Variants in RASEF observed in about 807,000 individuals in gnomAD.
RASEF encodes the protein RAS and EF-hand domain containing, also known as ras and EF-hand domain-containing protein.
In RASEF, 68 loss-of-function variants were observed where a neutral mutation model predicts 90.1. The ratio of observed to expected loss-of-function variants is 0.75; its 90% CI spans 0.62 to 0.92. The LOEUF (loss-of-function observed/expected upper bound fraction) is 0.92. Among genes scored for constraint, RASEF ranks in the 40% least tolerant of loss-of-function variants. The pLI, the probability that RASEF is intolerant of heterozygous loss-of-function variation, is 0.00. For synonymous variants in RASEF, 331 were observed against 345.2 expected, an observed-to-expected ratio of 0.96 and a Z score of 0.46; for missense variants, 949 against 937.2, an observed-to-expected ratio of 1.01 and a Z score of -0.16.
At chr9:83,113,105 G>A in the RASEF span, among the ~76,000 whole-genome samples, 2 of 152,184 alleles carry the variant, frequency 1.3e-5, no homozygotes, top group African/African-American at 2.4e-5. Context: ...CAGGGACCCT[G>A]AACGGAGGGA....
the RASEF span, among the ~76,000 whole-genome samples, chr9:83,142,405 C>T: frequency 1.9e-3 from 292 of 152,290 alleles, 3 homozygotes; most frequent in African/African-American, 5.9e-3. Flanking sequence ...CAGTTGATTC[C>T]TCTGAATAAC....
chr9:83,194,513 C>G, the RASEF span, among the ~76,000 whole-genome samples: 3 of 152,290 alleles, frequency 2.0e-5, no homozygotes, highest in African/African-American at 7.2e-5. Context: ...ATAGTGTTTG[C>G]TAGGCTTCTT....
chr9:83,167,184 G>C, the RASEF span, among the ~76,000 whole-genome samples: 8 of 151,924 alleles, frequency 5.3e-5, no homozygotes, highest in East Asian at 9.7e-4. Flanking sequence ...AGACTTTTGA[G>C]TCTCAAAATC....
rs372119351 is a variant in RASEF, at chr9:83,000,217, T to A, written c.1675A>T (p.Met559Leu). Reference protein sequence around the residue: ...DAAVGKSSFLMRLCKNEFREN... With the variant: ...DAAVGKSSFLLRLCKNEFREN... ...CGAAATTCATTCTTGCAAAGTCTCA[T>A]GAGGAAACTAGACTTCCCCACTGCA... Residue 559 changes from methionine (M) to leucine (L), a missense_variant, in exon 12 of 17, where the codon ATG becomes TTG. Coordinates refer to ENST00000376447, the MANE Select transcript of RASEF (RefSeq NM_152573.4). 1.2e-6 allele frequency: 2 copies of A among 1,613,990 alleles called. No homozygotes were observed. The highest frequency in any genetic ancestry group is 2.7e-5 in the African/African-American group (2 of 74,920).
At position 82,981,828 on chromosome 9, in the gene RASEF, A is replaced by G. The variant is rs1290739499; in HGVS notation, c.*849T>C. ...GTGAAGAGTGACAACTTTCCTGGGC[A>G]TTGTGCTTTCAGTAGTATGTGGCTT... is the stretch of plus-strand genomic sequence containing the variant. On this transcript the variant is annotated 3_prime_UTR_variant, in exon 17 of 17. Coordinates refer to ENST00000376447, the MANE Select transcript of RASEF (RefSeq NM_152573.4). 1.3e-5 allele frequency: 2 copies of G among 152,188 alleles called. No homozygotes were observed. Among genetic ancestry groups the G allele is most frequent in the African/African-American group, 4.8e-5 (2 of 41,440 alleles). 9.4% of individuals were successfully genotyped at this position (152,188 alleles called of 1,614,324 possible).
chr9:83,205,711 G>A, the RASEF span, among the ~76,000 whole-genome samples: 3 of 152,048 alleles, frequency 2.0e-5, no homozygotes, highest in African/African-American at 4.8e-5. Flanking sequence ...CCTTCAATAC[G>A]TAATCAATTT....
At chr9:83,023,401 G>A (rs1363548305) in intron 2 of RASEF, among the ~76,000 whole-genome samples, 1 of 152,124 alleles carries the variant, frequency 6.6e-6, no homozygotes, top group Non-Finnish European at 1.5e-5. Context: ...ATAAATGACA[G>A]GGCTTAAATA....
chr9:83,205,242 G>A, the RASEF span, among the ~76,000 whole-genome samples: 7 of 152,192 alleles, frequency 4.6e-5, no homozygotes, highest in Non-Finnish European at 8.8e-5. Flanking sequence ...AGAGCAAAGC[G>A]AAGAAATGGA....
intron 1 of RASEF, 22 bp from the exon 2 acceptor site, chr9:83,025,943 A>C: frequency 6.5e-7 from 1 of 1,536,552 alleles, no homozygotes; most frequent in Non-Finnish European, 8.8e-7. Flanking sequence ...ATAAATAAAA[A>C]TTAAACCAAT....
At chr9:83,205,261 G>A in the RASEF span, among the ~76,000 whole-genome samples, 4 of 152,180 alleles carry the variant, frequency 2.6e-5, no homozygotes, top group African/African-American at 7.2e-5. Context: ...GAGAAAAGTT[G>A]AGTACTGAAT....
At chr9:82,988,278 C>T (rs997707007) in intron 16 of RASEF, among the ~76,000 whole-genome samples, 3 of 152,132 alleles carry the variant, frequency 2.0e-5, no homozygotes, top group African/African-American at 7.2e-5. Flanking sequence ...CCCATAAGTG[C>T]GTGGAATCTG....
the RASEF span, among the ~76,000 whole-genome samples, chr9:83,118,466 A>G: frequency 1.6e-4 from 24 of 152,110 alleles, no homozygotes; most frequent in Non-Finnish European, 3.5e-4. Flanking sequence ...GCATAAATAC[A>G]TATTTTTTAT....
chr9:83,105,970 C>A, the RASEF span, among the ~76,000 whole-genome samples: 1 of 152,144 alleles, frequency 6.6e-6, no homozygotes, highest in Non-Finnish European at 1.5e-5. Flanking sequence ...AAACATGAGG[C>A]CCAGTGACCA....
At chr9:83,040,207 C>T (rs551008024) in intron 1 of RASEF, among the ~76,000 whole-genome samples, 11 of 152,086 alleles carry the variant, frequency 7.2e-5, no homozygotes, top group Non-Finnish European at 1.3e-4. Flanking sequence ...CAAAGCAGTA[C>T]AAAAATGGAT....
intron 1 of RASEF, among the ~76,000 whole-genome samples, chr9:83,039,550 G>C (rs1272566329): frequency 6.6e-6 from 1 of 152,178 alleles, no homozygotes; most frequent in Non-Finnish European, 1.5e-5. Context: ...TGCCTGCACA[G>C]GGTTAGGGAG....
At chr9:83,155,899 C>A in the RASEF span, among the ~76,000 whole-genome samples, 1 of 152,182 alleles carries the variant, frequency 6.6e-6, no homozygotes, top group Admixed American at 6.6e-5. Flanking sequence ...TCCAGGACAG[C>A]AGTTTGGTGC....
the RASEF span, among the ~76,000 whole-genome samples, chr9:83,218,049 C>G: frequency 2.6e-5 from 4 of 152,154 alleles, no homozygotes; most frequent in African/African-American, 9.7e-5. Flanking sequence ...ATGTGGTTGT[C>G]TCTGGTCCTG....
chr9:83,119,268 C>T, the RASEF span, among the ~76,000 whole-genome samples: 1 of 151,748 alleles, frequency 6.6e-6, no homozygotes, highest in Non-Finnish European at 1.5e-5. Context: ...ATCCACTTGC[C>T]TCGGCCTCCC....
chr9:83,061,706 C>A (rs1251969703), intron 1 of RASEF, among the ~76,000 whole-genome samples: 1 of 152,206 alleles, frequency 6.6e-6, no homozygotes, highest in Admixed American at 6.5e-5. Flanking sequence ...TTATTTCTGT[C>A]AGAGCAGTAA....
Sources: allele counts gnomAD v4.1 joint callset (sites outside exome capture counted in the v4.1 genomes callset), GRCh38; gene constraint gnomAD v4.1.1; transcripts MANE v1.5; gene names NCBI Gene and HGNC (gene_info 2026-07-23, HGNC 2026-07-21).